The following GTF2H3 variants were observed in gnomAD, a reference collection of about 807,000 sequenced individuals.
GTF2H3 encodes the protein TFIIH basal transcription factor complex p34 subunit.
A neutral mutation model predicts 51.1 loss-of-function variants in GTF2H3; 42 were observed. The ratio of observed to expected loss-of-function variants is 0.82; its 90% CI spans 0.64 to 1.06. The LOEUF is 1.06. GTF2H3 is among the 50% of genes least tolerant of loss of function. The pLI, the probability that GTF2H3 is intolerant of heterozygous loss-of-function variation, is 0.00. For synonymous variants in GTF2H3, 123 were observed against 123.8 expected, an observed-to-expected ratio of 0.99 and a Z score of 0.04; for missense variants, 326 against 366.1, an observed-to-expected ratio of 0.89 and a Z score of 0.89.
intron 1 of GTF2H3, among the ~76,000 whole-genome samples, chr12:123,639,031 G>A (rs1406747243): frequency 2.0e-5 from 3 of 151,954 alleles, no homozygotes; most frequent in Admixed American, 2.0e-4. Flanking sequence ...TCCTGACCTC[G>A]TGATCTGCCT....
chr12:123,647,186 G>A lies in GTF2H3; in HGVS notation c.201-777G>A, dbSNP rs577699819. 1.1e-3 allele frequency among the ~76,000 whole-genome samples: 156 copies of A among 145,732 alleles called. 1 individual carries two copies. Among genetic ancestry groups the A allele is most frequent in the Admixed American group, 4.9e-3 (71 of 14,458 alleles). ...AAAAAAAAAAAAGTCACGAAGTCACGAGGCCGGGCTCGGTGGCTCACGCCT... is the reference window on the plus strand; with the variant it reads ...AAAAAAAAAAAAGTCACGAAGTCACAAGGCCGGGCTCGGTGGCTCACGCCT... On this transcript the variant is annotated intron_variant, in intron 3 of 12. Coordinates refer to ENST00000543341, the MANE Select transcript of GTF2H3 (RefSeq NM_001516.5).
chr12:123,634,311 G>A (rs891275399), intron 1 of GTF2H3, among the ~76,000 whole-genome samples: 16 of 152,236 alleles, frequency 1.1e-4, no homozygotes, highest in Non-Finnish European at 2.1e-4. Context: ...GCGTGGTAGC[G>A]CGTGTCTGTG....
In GTF2H3 at chr12:123,662,437, G is replaced by A. The variant is rs1955668886; in HGVS notation, c.*2202G>A. On this transcript the variant is annotated 3_prime_UTR_variant, in exon 13 of 13. Transcript: ENST00000543341. ...AATGGAAATCACAATTTTAAGTCTA[G>A]GAAATAAAGTATTATATATACTTTC... 6.6e-6 allele frequency: 1 copy of A among 151,978 alleles called. No individual in the cohort carries two copies. Among genetic ancestry groups the A allele is most frequent in the African/African-American group, 2.4e-5 (1 of 41,394 alleles). The allele number at this position is 151,978 out of a possible 1,614,324, so 9.4% of individuals were successfully genotyped here. A position where few individuals can be genotyped will look rare whatever the true frequency, so the allele number is the denominator to read the frequency against.
chr12:123,634,659 T>C (rs958344568), intron 1 of GTF2H3, among the ~76,000 whole-genome samples: 1 of 152,178 alleles, frequency 6.6e-6, no homozygotes, highest in Non-Finnish European at 1.5e-5. Flanking sequence ...CTGTGGCAGA[T>C]TGAGCCACCA....
chr12:123,648,159 T>C (rs1955475106), intron 4 of GTF2H3, 33 bp downstream of exon 4: 2 of 1,466,952 alleles, frequency 1.4e-6, no homozygotes, highest in Non-Finnish European at 1.9e-6. Context: ...ATTTTGCAAA[T>C]AGTGTTGATT....
intron 9 of GTF2H3, 171 bp from the exon 10 acceptor site, chr12:123,659,345 C>T (rs569030154): frequency 4.4e-5 from 27 of 616,200 alleles, no homozygotes; most frequent in African/African-American, 5.5e-5. Context: ...CCAGCCTGGG[C>T]GACAGAGCAA....
intron 9 of GTF2H3, 82 bp from the exon 10 acceptor site, chr12:123,659,434 A>G (rs534462205): frequency 2.0e-4 from 197 of 968,800 alleles, no homozygotes; most frequent in Non-Finnish European, 3.0e-4. Flanking sequence ...TTGTAGGCCC[A>G]AGGCATTGCT....
chr12:123,644,218 C>T (rs1955416389), intron 2 of GTF2H3, among the ~76,000 whole-genome samples: 1 of 151,980 alleles, frequency 6.6e-6, no homozygotes, highest in Non-Finnish European at 1.5e-5. Flanking sequence ...ACTGAAACTT[C>T]AAGGATCATT....
chr12:123,641,848 TTTTG>T (rs751725485), intron 2 of GTF2H3, among the ~76,000 whole-genome samples: 170 of 152,306 alleles, frequency 1.1e-3, no homozygotes, highest in African/African-American at 3.8e-3. Flanking sequence ...TTTTTAGTTT[TTTTG>T]TTTGTTTGTT....
At chr12:123,655,918 G>A (rs189770703) in intron 9 of GTF2H3, 94 bp downstream of exon 9, 1 of 762,954 alleles carries the variant, frequency 1.3e-6, no homozygotes, top group Non-Finnish European at 2.2e-6. Flanking sequence ...GGGTATATTG[G>A]GTTAAATAAA....
intron 2 of GTF2H3, among the ~76,000 whole-genome samples, chr12:123,640,630 G>T (rs974063187): frequency 2.6e-5 from 4 of 152,058 alleles, no homozygotes; most frequent in Admixed American, 2.6e-4. Flanking sequence ...GAGCCACTGT[G>T]CCTGGCCTTG....
chr12:123,654,117 T>C (rs1227389573), intron 7 of GTF2H3, among the ~76,000 whole-genome samples: 1 of 152,028 alleles, frequency 6.6e-6, no homozygotes, highest in Non-Finnish European at 1.5e-5. Flanking sequence ...TGGATGTGTG[T>C]GTATTCTGGA....
At chr12:123,638,473 A>G (rs1402017370) in intron 1 of GTF2H3, among the ~76,000 whole-genome samples, 2 of 151,470 alleles carry the variant, frequency 1.3e-5, no homozygotes, top group African/African-American at 4.9e-5. Flanking sequence ...GCCCGGCCCT[A>G]ATTTTTATAT....
At chr12:123,656,723 C>T (rs11572989) in intron 9 of GTF2H3, among the ~76,000 whole-genome samples, 222 of 152,310 alleles carry the variant, frequency 1.5e-3, no homozygotes, top group African/African-American at 4.7e-3. Flanking sequence ...CAAGCAAAAA[C>T]CTGACTCTTC....
rs1207564135 is a variant in GTF2H3, at chr12:123,661,144, A to T, written c.*909A>T. 2 of 152,096 alleles carry T rather than the reference A, an allele frequency of 1.3e-5. No individual in the cohort carries two copies. Among genetic ancestry groups the T allele is most frequent in the African/African-American group, 4.8e-5 (2 of 41,398 alleles). 9.4% of individuals were successfully genotyped at this position (152,096 alleles called of 1,614,324 possible). ...CCATCTCTACTAAAAATTTAAATGTATTTATTAAAACTGTTCTCTAGAAGC... is the reference window on the plus strand; with the variant it reads ...CCATCTCTACTAAAAATTTAAATGTTTTTATTAAAACTGTTCTCTAGAAGC... On this transcript the variant is annotated 3_prime_UTR_variant, in exon 13 of 13. Coordinates refer to ENST00000543341, the MANE Select transcript of GTF2H3 (RefSeq NM_001516.5).
intron 2 of GTF2H3, among the ~76,000 whole-genome samples, chr12:123,641,160 TAAAATAAA>T (rs1199644901): frequency 2.0e-5 from 3 of 151,038 alleles, no homozygotes; most frequent in East Asian, 1.9e-4. Flanking sequence ...TCAAAAAATA[TAAAATAAA>T]AAAATAAAAA....
At chr12:123,655,566 A>G in intron 8 of GTF2H3, 1 of 481,172 alleles carries the variant, frequency 2.1e-6, no homozygotes, top group Non-Finnish European at 3.7e-6. Flanking sequence ...GTGGGGTGAC[A>G]GCTTTCTCAC....
chr12:123,635,293 G>A (rs1434880654), intron 1 of GTF2H3, among the ~76,000 whole-genome samples: 2 of 152,140 alleles, frequency 1.3e-5, no homozygotes, highest in African/African-American at 2.4e-5. Flanking sequence ...AAAAGTGGCT[G>A]GGCACAGTGG....
rs1955582414 is a variant in GTF2H3, at chr12:123,655,975, T to G, written c.615+151T>G. The stretch of plus-strand genomic sequence containing the variant: ...TATCTATGTCTTTCCCCCTTACGTA[T>G]GGAGCTACTGGAAAATTTTAAATTA... On this transcript the variant is annotated intron_variant, in intron 9 of 12. Coordinates refer to ENST00000543341, the MANE Select transcript of GTF2H3 (RefSeq NM_001516.5). 7 of 528,102 alleles carry G rather than the reference T, an allele frequency of 1.3e-5. No homozygotes were observed. In the Admixed American group the frequency reaches 1.7e-4, roughly 13 times the overall value. The allele number at this position is 528,102 out of a possible 1,614,324, so 32.7% of individuals were successfully genotyped here. A position where few individuals can be genotyped will look rare whatever the true frequency, so the allele number is the denominator to read the frequency against.
Sources: allele counts gnomAD v4.1 joint callset (sites outside exome capture counted in the v4.1 genomes callset), GRCh38; gene constraint gnomAD v4.1.1; transcripts MANE v1.5; gene names NCBI Gene and HGNC (gene_info 2026-07-23, HGNC 2026-07-21).